The following RNF19A variants were observed in gnomAD, a reference collection of about 807,000 sequenced individuals.
RNF19A encodes the protein E3 ubiquitin-protein ligase RNF19A.
RNF19A carries 32 observed loss-of-function variants against 75.7 expected under a neutral mutation model. The observed-to-expected ratio is 0.42, with a 90% CI of 0.32 to 0.57. RNF19A has a LOEUF of 0.57. RNF19A is among the 20% of genes least tolerant of loss of function. The probability of loss-of-function intolerance (pLI) is 0.10; values close to 1 mark genes in which losing one functional copy is unlikely to be tolerated. For synonymous variants in RNF19A, 335 were observed against 345.2 expected, an observed-to-expected ratio of 0.97 and a Z score of 0.33; for missense variants, 782 against 1,036.3, an observed-to-expected ratio of 0.75 and a Z score of 3.37.
In RNF19A at chr8:100,287,172, C is replaced by T. The variant is rs537421056; in HGVS notation, c.674+329G>A. On this transcript the variant is annotated intron_variant, in intron 2 of 9. Transcript: ENST00000341084. The surrounding 1 kb of genome is among the most constrained non-coding windows in gnomAD (Gnocchi z 4.1). ...AATAACCCCCTCATCATAAACAAAC[C>T]TGATCATTTCATCTGTTATTCCAAA... Among the ~76,000 whole-genome samples, 1 of 152,182 alleles carries T rather than the reference C, an allele frequency of 6.6e-6. No homozygotes were observed. Among genetic ancestry groups the T allele is most frequent in the South Asian group, 2.1e-4 (1 of 4,822 alleles).
In RNF19A at chr8:100,260,609, T is replaced by A. The variant is rs369687244; in HGVS notation, c.1683-612A>T. The stretch of plus-strand genomic sequence containing the variant: ...TAAAAAGAGGTAGTATATACCACTA[T>A]AACTTAAGAGTTTGTATTTAAAAGG... On this transcript the variant is annotated intron_variant, in intron 8 of 9. Coordinates refer to ENST00000341084, the MANE Select transcript of RNF19A (RefSeq NM_183419.4). This position sits in a 1 kb window ranked among gnomAD's most constrained non-coding sequence, Gnocchi z 4.1. Among the ~76,000 whole-genome samples, 1 of 152,176 alleles carries A rather than the reference T, an allele frequency of 6.6e-6. No homozygotes were observed. Among genetic ancestry groups the A allele is most frequent in the Non-Finnish European group, 1.5e-5 (1 of 68,036 alleles).
chr8:100,309,405 G>C (rs1271818916), intron 1 of RNF19A: 5 of 985,758 alleles, frequency 5.1e-6, no homozygotes, highest in Non-Finnish European at 6.0e-6. Flanking sequence ...TCCCGTTAGA[G>C]CCGATTTCAC....
At chr8:100,326,536 G>A (rs1822535660) in intron 1 of RNF19A, among the ~76,000 whole-genome samples, 1 of 152,106 alleles carries the variant, frequency 6.6e-6, no homozygotes, top group South Asian at 2.1e-4. Flanking sequence ...AGTCTAGTGA[G>A]GGAAACTGAG....
intron 5 of RNF19A, chr8:100,268,539 A>G (rs1415944307): frequency 1.6e-5 from 5 of 308,180 alleles, no homozygotes; most frequent in African/African-American, 1.1e-4. Flanking sequence ...AAGTTTTATA[A>G]TACAAACATA....
chr8:100,308,331 GT>G (rs1016960935), intron 1 of RNF19A, among the ~76,000 whole-genome samples: 1 of 152,074 alleles, frequency 6.6e-6, no homozygotes, highest in Non-Finnish European at 1.5e-5. Context: ...TTTTAAAAGT[GT>G]TTTTTTAGCA....
chr8:100,310,355 G>T, upstream of RNF19A: 1 of 595,152 alleles, frequency 1.7e-6, no homozygotes, highest in African/African-American at 2.0e-5. Context: ...AGGGGACTTC[G>T]CCTCGAGCGC....
At position 100,260,591 on chromosome 8, in the gene RNF19A, A is replaced by T. The variant is rs1214947809; in HGVS notation, c.1683-594T>A. Among the ~76,000 whole-genome samples, 1 of 152,180 alleles carries T rather than the reference A, an allele frequency of 6.6e-6. No individual in the cohort carries two copies. Among genetic ancestry groups the T allele is most frequent in the African/African-American group, 2.4e-5 (1 of 41,430 alleles). ...AACCAACATTTGCCTTTTTAAAAAG[A>T]GGTAGTATATACCACTATAACTTAA... On this transcript the variant is annotated intron_variant, in intron 8 of 9. Transcript: ENST00000341084. This position sits in a 1 kb window ranked among gnomAD's most constrained non-coding sequence, Gnocchi z 4.1.
rs1269292329 is a variant in RNF19A, at chr8:100,329,411, T to C, written c.-243+6697A>G. Among the ~76,000 whole-genome samples the C allele has an allele frequency of 6.7e-6, 1 of 149,624 alleles. No homozygotes were observed. The highest frequency in any genetic ancestry group is 2.5e-5 in the African/African-American group (1 of 40,816). ...TGTTCACAAGCTCAAAATGAGTGAGTTGTGATACAGTGCTGCAAAAACAAA... is the reference window on the plus strand; with the variant it reads ...TGTTCACAAGCTCAAAATGAGTGAGCTGTGATACAGTGCTGCAAAAACAAA... On this transcript the variant is annotated intron_variant, in intron 1 of 3. Transcript: ENST00000519527. This position sits in a 1 kb window ranked among gnomAD's most constrained non-coding sequence, Gnocchi z 4.3.
At chr8:100,291,110 C>T (rs866970785) in intron 1 of RNF19A, among the ~76,000 whole-genome samples, 2 of 152,132 alleles carry the variant, frequency 1.3e-5, no homozygotes, top group South Asian at 4.1e-4. Context: ...AAAGACCTGG[C>T]TCAGCTATTT....
At chr8:100,290,018 G>A (rs1821213616) in intron 1 of RNF19A, among the ~76,000 whole-genome samples, 1 of 152,184 alleles carries the variant, frequency 6.6e-6, no homozygotes, top group African/African-American at 2.4e-5. Flanking sequence ...AGAGTATGTG[G>A]TATAATTCTA....
chr8:100,281,262 G>T (rs1419127494), intron 2 of RNF19A, among the ~76,000 whole-genome samples: 1 of 152,190 alleles, frequency 6.6e-6, no homozygotes, highest in Non-Finnish European at 1.5e-5. Flanking sequence ...TCACTGCATT[G>T]TTAACAGGTG....
At chr8:100,314,874 T>C (rs1202044423), upstream of RNF19A, among the ~76,000 whole-genome samples, 1 of 152,062 alleles carries the variant, frequency 6.6e-6, no homozygotes, top group East Asian at 1.9e-4. This position sits in a 1 kb window ranked among gnomAD's most constrained non-coding sequence, Gnocchi z 4.1. Context: ...GCCTGACACC[T>C]AGTGAGAGAA....
intron 1 of RNF19A, among the ~76,000 whole-genome samples, chr8:100,296,779 C>G (rs1263980214): frequency 6.6e-6 from 1 of 151,086 alleles, no homozygotes; most frequent in Non-Finnish European, 1.5e-5. Flanking sequence ...CACAGCTGTA[C>G]CAATTATAAC....
chr8:100,263,024 A>C (rs1361119873), intron 7 of RNF19A, among the ~76,000 whole-genome samples: 1 of 152,202 alleles, frequency 6.6e-6, no homozygotes, highest in Non-Finnish European at 1.5e-5. Flanking sequence ...GGCTGTAGAC[A>C]AGTTAAGCTT....
At chr8:100,265,706 G>A (rs1233117111) in intron 5 of RNF19A, among the ~76,000 whole-genome samples, 2 of 152,148 alleles carry the variant, frequency 1.3e-5, no homozygotes, top group African/African-American at 4.8e-5. Flanking sequence ...TTGGCCTTTG[G>A]AAGGCTGTAA....
rs1050344765 is a variant in RNF19A, at chr8:100,328,579, C to T, written c.-243+7529G>A. ...CTCCACCTCCCGGGTTCAGGCGATT[C>T]TCTTGCCTCAGCTCCCTGTGTAGCT... On this transcript the variant is annotated intron_variant, in intron 1 of 3. Coordinates refer to the RNF19A transcript ENST00000519527. 2.6e-5 allele frequency among the ~76,000 whole-genome samples: 4 copies of T among 152,000 alleles called. No individual in the cohort carries two copies. In the South Asian group the frequency reaches 6.2e-4, roughly 24 times the overall value.
At position 100,257,830 on chromosome 8, in the gene RNF19A, C is replaced by T. The variant is rs1586582559; in HGVS notation, c.*726G>A. 2.6e-6 allele frequency: 1 copy of T among 391,658 alleles called. No homozygotes were observed. Among genetic ancestry groups the T allele is most frequent in the Middle Eastern group, 6.5e-4 (1 of 1,550 alleles). The allele number at this position is 391,658 out of a possible 1,614,324, so 24.3% of individuals were successfully genotyped here. On this transcript the variant is annotated 3_prime_UTR_variant, in exon 10 of 10. Coordinates refer to ENST00000341084, the MANE Select transcript of RNF19A (RefSeq NM_183419.4). Reference sequence around the variant, plus strand: ...TTGTAATACTTATAACCTAATGGGACTTTATTTTGTAGTTTTATGTATCTT... The same window carrying T: ...TTGTAATACTTATAACCTAATGGGATTTTATTTTGTAGTTTTATGTATCTT...
Position 100,257,853 on chromosome 8 carries a change from C to G in RNF19A, c.*703G>C. 2.5e-6 allele frequency: 1 copy of G among 394,896 alleles called. No homozygotes were observed. Among genetic ancestry groups the G allele is most frequent in the Non-Finnish European group, 4.5e-6 (1 of 223,886 alleles). 24.5% of individuals were successfully genotyped at this position (394,896 alleles called of 1,614,324 possible). A position where few individuals can be genotyped will look rare whatever the true frequency, so the allele number is the denominator to read the frequency against. On this transcript the variant is annotated 3_prime_UTR_variant, in exon 10 of 10. Coordinates refer to ENST00000341084, the MANE Select transcript of RNF19A (RefSeq NM_183419.4). ...GACTTTATTTTGTAGTTTTATGTAT[C>G]TTATTTGTTGCTGTCATATGCTTAA...
intron 1 of RNF19A, among the ~76,000 whole-genome samples, chr8:100,301,278 T>A (rs1821814753): frequency 6.6e-6 from 1 of 152,244 alleles, no homozygotes; most frequent in African/African-American, 2.4e-5. Context: ...ACAGCTAACG[T>A]GGCAGAGCTA....
Sources: allele counts gnomAD v4.1 joint callset (sites outside exome capture counted in the v4.1 genomes callset), GRCh38; gene constraint gnomAD v4.1.1; non-coding constraint Gnocchi (gnomAD v3.1); transcripts MANE v1.5; gene names NCBI Gene and HGNC (gene_info 2026-07-23, HGNC 2026-07-21).